ATP6V1H: variants seen among roughly 807,000 people sequenced by gnomAD.
ATP6V1H encodes the protein ATPase H+ transporting V1 subunit H, also known as V-type proton ATPase subunit H.
A neutral mutation model predicts 71.7 loss-of-function variants in ATP6V1H; 39 were observed. The ratio of observed to expected loss-of-function variants is 0.54; its 90% confidence interval spans 0.42 to 0.71. The LOEUF is 0.71. Ranked by LOEUF, ATP6V1H falls within the 30% of genes least tolerant of loss-of-function variation. The pLI is 0.00. For missense variants in ATP6V1H, 509 were observed against 594.9 expected, an observed-to-expected ratio of 0.86 and a Z score of 1.50; for synonymous variants, 192 against 199.3, an observed-to-expected ratio of 0.96 and a Z score of 0.31.
intron 4 of ATP6V1H, among the ~76,000 whole-genome samples, chr8:53,823,479 AT>A (rs1810725473): frequency 6.6e-6 from 1 of 151,276 alleles, no homozygotes; most frequent in Non-Finnish European, 1.5e-5. Context: ...TAAATACTTA[AT>A]TTTTGGGGGG....
chr8:53,815,867 T>C (rs2130476945), intron 5 of ATP6V1H, among the ~76,000 whole-genome samples: 1 of 152,190 alleles, frequency 6.6e-6, no homozygotes. Flanking sequence ...CCAATGGGAG[T>C]CTGCCCCTCA....
chr8:53,782,849 G>A (rs1042781204), intron 9 of ATP6V1H, among the ~76,000 whole-genome samples: 102 of 152,174 alleles, frequency 6.7e-4, no homozygotes, highest in African/African-American at 2.4e-3. Flanking sequence ...TACGTTTATT[G>A]ATTTTCGTAT....
At chr8:53,831,993 A>T (rs1425328763) in intron 3 of ATP6V1H, 1 of 152,162 alleles carries the variant, frequency 6.6e-6, no homozygotes, top group Non-Finnish European at 1.5e-5. Flanking sequence ...AACAGTATAG[A>T]ATTAGTTTAG....
chr8:53,822,277 G>A (rs192286216), intron 4 of ATP6V1H, among the ~76,000 whole-genome samples: 4 of 152,130 alleles, frequency 2.6e-5, no homozygotes, highest in African/African-American at 9.6e-5. Context: ...GGAAAACTTT[G>A]GCAAAAGAAC....
rs181308460 is a variant in ATP6V1H at position 53,736,036 on chromosome 8, C to T, written c.1391+7541G>A. Among the ~76,000 whole-genome samples the T allele has an allele frequency of 3.0e-3, 457 of 152,246 alleles. 2 individuals carry two copies. The highest frequency in any genetic ancestry group is 5.4e-3 in the Admixed American group (83 of 15,292). On this transcript the variant is annotated intron_variant, in intron 13 of 13. Coordinates refer to ENST00000359530, the MANE Select transcript of ATP6V1H (RefSeq NM_015941.4). ...AGAAGCTGACTAGTCTACCCACGGCCGAAGCTTTAGGACTCGTCAAACAAG... is the reference window on the plus strand; with the variant it reads ...AGAAGCTGACTAGTCTACCCACGGCTGAAGCTTTAGGACTCGTCAAACAAG...
intron 12 of ATP6V1H, among the ~76,000 whole-genome samples, chr8:53,755,718 ATATATATATATATATATATAT>A (rs1808013914): frequency 2.0e-4 from 1 of 5,068 alleles, no homozygotes; most frequent in African/African-American, 1.1e-3. Context: ...ATATATATAT[ATATATATATATATATATATAT>A]ATATATTTTT....
chr8:53,796,315 T>G (rs1342269865), intron 8 of ATP6V1H, among the ~76,000 whole-genome samples: 1 of 152,120 alleles, frequency 6.6e-6, no homozygotes, highest in African/African-American at 2.4e-5. Context: ...AAACCTCAGT[T>G]TGATCAAGAG....
chr8:53,810,787 T>C (rs1209977961), intron 7 of ATP6V1H, among the ~76,000 whole-genome samples: 1 of 152,194 alleles, frequency 6.6e-6, no homozygotes, highest in East Asian at 1.9e-4. Context: ...TTCAAATGTT[T>C]GACGCTTTTG....
At chr8:53,763,820 A>G (rs1808359023) in intron 11 of ATP6V1H, among the ~76,000 whole-genome samples, 3 of 152,208 alleles carry the variant, frequency 2.0e-5, no homozygotes, top group African/African-American at 7.2e-5. Flanking sequence ...AGAGAATCAA[A>G]GCTTATTGGC....
rs764233382 is a variant in ATP6V1H at position 53,814,668 on chromosome 8, A to G, written c.519T>C (p.Ser173=). The part of the protein sequence containing the change: ...YYFNWIKTQL[S]SQKLRGSGVA... The stretch of plus-strand genomic sequence containing the variant: ...TTAAAAAATTTTCTTTTACCTGTGA[A>G]CTCAGCTGAGTTTTTATCCAATTGA... Residue 173 remains serine (S), a synonymous_variant, in exon 6 of 14, where the codon AGT becomes AGC. Coordinates refer to ENST00000359530, the MANE Select transcript of ATP6V1H (RefSeq NM_015941.4). 3 of 1,598,818 alleles carry G rather than the reference A, an allele frequency of 1.9e-6. No individual in the cohort carries two copies. The East Asian group carries it at 6.7e-5, about 36-fold the overall frequency.
chr8:53,811,068 G>T, intron 7 of ATP6V1H, 96 bp downstream of exon 7: 1 of 942,130 alleles, frequency 1.1e-6, no homozygotes, highest in Non-Finnish European at 1.7e-6. Flanking sequence ...TGGATTTATA[G>T]TTGGGGAACT....
chr8:53,783,201 T>C (rs921866265), intron 9 of ATP6V1H, among the ~76,000 whole-genome samples: 3 of 152,154 alleles, frequency 2.0e-5, no homozygotes, highest in African/African-American at 7.2e-5. Context: ...AAGCTATTAA[T>C]TATTGCCTCA....
chr8:53,833,849 T>C (rs902461825), intron 2 of ATP6V1H, among the ~76,000 whole-genome samples: 4 of 152,252 alleles, frequency 2.6e-5, no homozygotes, highest in South Asian at 4.2e-4. Context: ...GTTCCTGTCA[T>C]CTTCCCTGTC....
chr8:53,756,594 T>C lies in ATP6V1H; in HGVS notation c.1238A>G (p.Asp413Gly). 6.2e-7 allele frequency: 1 copy of C among 1,614,118 alleles called. No homozygotes were observed. The highest frequency in any genetic ancestry group is 8.5e-7 in the Non-Finnish European group (1 of 1,179,998). Reference sequence around the variant, plus strand: ...ATAATGCCGCACATATTCTCCAACATCGTGAGCAGCAACAGCTAAGACTTG... The same window carrying C: ...ATAATGCCGCACATATTCTCCAACACCGTGAGCAGCAACAGCTAAGACTTG... ...DPQVLAVAAH[D>G]VGEYVRHYPR... Residue 413 changes from aspartate to glycine, a missense_variant, in exon 12 of 14, where the codon GAT becomes GGT. Asp to Gly is a moderately conservative substitution (Grantham distance 94, BLOSUM62 -1). Coordinates refer to ENST00000359530, the MANE Select transcript of ATP6V1H (RefSeq NM_015941.4).
At chr8:53,734,253 G>A (rs1399947492) in intron 13 of ATP6V1H, among the ~76,000 whole-genome samples, 2 of 152,198 alleles carry the variant, frequency 1.3e-5, no homozygotes, top group Non-Finnish European at 2.9e-5. Context: ...GCCCTGTCGA[G>A]CATAACTGTG....
chr8:53,806,098 A>C (rs1810068086), intron 7 of ATP6V1H, among the ~76,000 whole-genome samples: 1 of 152,172 alleles, frequency 6.6e-6, no homozygotes, highest in African/African-American at 2.4e-5. Context: ...AAATAGAGAA[A>C]AGAAAGTAAA....
chr8:53,763,395 C>T (rs1345537393), intron 11 of ATP6V1H, among the ~76,000 whole-genome samples: 4 of 152,104 alleles, frequency 2.6e-5, no homozygotes, highest in African/African-American at 9.7e-5. Context: ...ACATGCAAAA[C>T]TTATTTTCTG....
Position 53,738,156 on chromosome 8 carries a change from G to T in ATP6V1H, c.1391+5421C>A, listed in dbSNP as rs1585731697. Among the ~76,000 whole-genome samples, 3 of 152,206 alleles carry T rather than the reference G, an allele frequency of 2.0e-5. No individual in the cohort carries two copies. The Middle Eastern group carries it at 0.01, about 518-fold the overall frequency. The stretch of plus-strand genomic sequence containing the variant: ...ACTAAAAATATAAAAAATTAGCTGG[G>T]TGTGGTGGCGGGCACTTGTAATCCC... On this transcript the variant is annotated intron_variant, in intron 13 of 13. Transcript: ENST00000359530.
intron 4 of ATP6V1H, among the ~76,000 whole-genome samples, chr8:53,819,105 C>T (rs541087679): frequency 2.0e-5 from 3 of 151,830 alleles, no homozygotes; most frequent in Non-Finnish European, 4.4e-5. Flanking sequence ...ACTCAAGAGA[C>T]GGAGGTGGGA....
Sources: allele counts gnomAD v4.1 joint callset (sites outside exome capture counted in the v4.1 genomes callset), GRCh38; gene constraint gnomAD v4.1.1; transcripts MANE v1.5; gene names NCBI Gene and HGNC (gene_info 2026-07-23, HGNC 2026-07-21).